The following GRID1 variants were observed in gnomAD, a reference collection of about 807,000 sequenced individuals.
The protein encoded by GRID1 is glutamate receptor ionotropic, delta-1.
A neutral mutation model predicts 98.0 loss-of-function variants in GRID1; 28 were observed. The ratio of observed to expected loss-of-function variants is 0.29; its 90% CI spans 0.21 to 0.39. The LOEUF is 0.39. Ranked by LOEUF, GRID1 falls within the 10% of genes least tolerant of loss-of-function variation. The pLI is 1.00. For missense variants in GRID1, 1,111 were observed against 1,340.5 expected, an observed-to-expected ratio of 0.83 and a Z score of 2.67; for synonymous variants, 553 against 538.5, an observed-to-expected ratio of 1.03 and a Z score of -0.37.
In GRID1 at chr10:85,772,183, C is replaced by G. The variant is rs895743265; in HGVS notation, c.1234-42569G>C. 4.5e-4 allele frequency among the ~76,000 whole-genome samples: 69 copies of G among 152,232 alleles called. 1 individual carries two copies. Among genetic ancestry groups the G allele is most frequent in the African/African-American group, 1.4e-3 (60 of 41,498 alleles). On this transcript the variant is annotated intron_variant, in intron 8 of 15. Coordinates refer to ENST00000327946, the MANE Select transcript of GRID1 (RefSeq NM_017551.3). Reference sequence around the variant, plus strand: ...ATTAAGAAACTCACTCAAAACCACTCAACTACATGGAAACTGAACAACCTG... The same window carrying G: ...ATTAAGAAACTCACTCAAAACCACTGAACTACATGGAAACTGAACAACCTG...
chr10:86,082,688 T>C (rs1843993970), intron 4 of GRID1, among the ~76,000 whole-genome samples: 1 of 152,136 alleles, frequency 6.6e-6, no homozygotes, highest in African/African-American at 2.4e-5. Flanking sequence ...AAAAACTTTT[T>C]AGCCCCCCAG....
intron 8 of GRID1, among the ~76,000 whole-genome samples, chr10:85,748,096 G>C (rs1440751138): frequency 6.6e-6 from 1 of 152,166 alleles, no homozygotes; most frequent in East Asian, 1.9e-4. Context: ...CACCGTGACT[G>C]TGTACATCTC....
chr10:85,640,983 A>T lies in GRID1; in HGVS notation c.2193+6219T>A, dbSNP rs116279077. 4.7e-3 allele frequency among the ~76,000 whole-genome samples: 722 copies of T among 152,370 alleles called. 9 individuals are homozygous for T. Among genetic ancestry groups the T allele is most frequent in the African/African-American group, 0.017 (690 of 41,594 alleles). Reference sequence around the variant, plus strand: ...CTTCCCTCTGAAAAATACTATCTCCAGCCACAGGGTCTGAAACAAGCTACT... The same window carrying T: ...CTTCCCTCTGAAAAATACTATCTCCTGCCACAGGGTCTGAAACAAGCTACT... On this transcript the variant is annotated intron_variant, in intron 13 of 15. Transcript: ENST00000327946.
At chr10:86,183,763 C>A (rs1845690972) in intron 3 of GRID1, among the ~76,000 whole-genome samples, 1 of 152,218 alleles carries the variant, frequency 6.6e-6, no homozygotes, top group Non-Finnish European at 1.5e-5. Context: ...GGACTTGTGC[C>A]TTCATTTCTT....
intron 8 of GRID1, among the ~76,000 whole-genome samples, chr10:85,733,986 A>T (rs1290750569): frequency 6.6e-6 from 1 of 152,202 alleles, no homozygotes; most frequent in Non-Finnish European, 1.5e-5. Flanking sequence ...AATAACTAGC[A>T]TAGATGATTA....
At chr10:85,946,932 G>T (rs982514442) in intron 4 of GRID1, among the ~76,000 whole-genome samples, 1 of 152,188 alleles carries the variant, frequency 6.6e-6, no homozygotes, top group Non-Finnish European at 1.5e-5. Context: ...TCACAATGCG[G>T]AAATGTGGAT....
At chr10:85,626,547 C>T (rs1590165147) in intron 13 of GRID1, among the ~76,000 whole-genome samples, 1 of 152,210 alleles carries the variant, frequency 6.6e-6, no homozygotes, top group East Asian at 1.9e-4. Context: ...CTTCTCTGTA[C>T]ATCAGGGACT....
intron 13 of GRID1, among the ~76,000 whole-genome samples, chr10:85,631,700 T>A (rs1461175008): frequency 6.6e-6 from 1 of 152,184 alleles, no homozygotes; most frequent in African/African-American, 2.4e-5. Flanking sequence ...TGTCAAAATT[T>A]TAAATTGTCC....
rs559191655 is a variant in GRID1 at position 85,989,805 on chromosome 10, T to C, written c.727-73566A>G. ...TCATCTAACTGCTAGGATCTGACAGTTTATATCTCTGCAAAATTTACATGT... is the reference window on the plus strand; with the variant it reads ...TCATCTAACTGCTAGGATCTGACAGCTTATATCTCTGCAAAATTTACATGT... On this transcript the variant is annotated intron_variant, in intron 4 of 15. Coordinates refer to ENST00000327946, the MANE Select transcript of GRID1 (RefSeq NM_017551.3). Among the ~76,000 whole-genome samples the C allele has an allele frequency of 1.4e-4, 22 of 152,270 alleles. No individual in the cohort carries two copies. The East Asian group carries it at 3.7e-3, about 25-fold the overall frequency.
chr10:86,282,583 T>G (rs1469123471), intron 2 of GRID1, among the ~76,000 whole-genome samples: 1 of 152,148 alleles, frequency 6.6e-6, no homozygotes, highest in African/African-American at 2.4e-5. Flanking sequence ...TGCATGTAAG[T>G]AAAGAGCGAC....
chr10:86,187,620 G>C (rs892776859), intron 3 of GRID1, among the ~76,000 whole-genome samples: 5 of 152,208 alleles, frequency 3.3e-5, no homozygotes, highest in African/African-American at 4.8e-5. Context: ...TAATGTTCTT[G>C]GCATCTGTGC....
At position 85,824,283 on chromosome 10, in the gene GRID1, C is replaced by A. The variant is rs1056576295; in HGVS notation, c.1233+30213G>T. Among the ~76,000 whole-genome samples, 5 of 152,292 alleles carry A rather than the reference C, an allele frequency of 3.3e-5. No individual in the cohort carries two copies. In the East Asian group the frequency reaches 5.8e-4, roughly 18 times the overall value. On this transcript the variant is annotated intron_variant, in intron 8 of 15. Coordinates refer to ENST00000327946, the MANE Select transcript of GRID1 (RefSeq NM_017551.3). ...CTGGAGTGCAGTGGTGCGATCTTGG[C>A]TCACTGCAACCTCCACCTCCCGGGT...
chr10:85,950,196 T>C (rs889942907), intron 4 of GRID1, among the ~76,000 whole-genome samples: 1 of 152,142 alleles, frequency 6.6e-6, no homozygotes. Flanking sequence ...TACATTCAAC[T>C]AAAGTATATG....
intron 8 of GRID1, among the ~76,000 whole-genome samples, chr10:85,850,344 C>A (rs72842922): frequency 0.041 from 6,236 of 152,274 alleles, 320 homozygotes; most frequent in East Asian, 0.19. Flanking sequence ...AAAAAAAAGA[C>A]AACCATGTTT....
chr10:86,322,727 T>C (rs560350165), intron 2 of GRID1, among the ~76,000 whole-genome samples: 4 of 149,662 alleles, frequency 2.7e-5, no homozygotes, highest in East Asian at 3.9e-4. Flanking sequence ...TATTTTTTTT[T>C]AAATAAAAAT....
chr10:85,821,539 A>AAAAAAAAAAGCAAAAAAAC (rs770693495), intron 8 of GRID1, among the ~76,000 whole-genome samples: 1 of 97,594 alleles, frequency 1.0e-5, no homozygotes, highest in Non-Finnish European at 2.2e-5. Context: ...AAAAAAAAAA[A>AAAAAAAAAAGCAAAAAAAC]AAAAAAGAAA....
intron 2 of GRID1, among the ~76,000 whole-genome samples, chr10:86,231,510 C>G (rs184320650): frequency 1.0e-3 from 154 of 152,290 alleles, no homozygotes; most frequent in African/African-American, 3.5e-3. Context: ...CAGGCAGGCC[C>G]ATGGCCCTAC....
intron 3 of GRID1, among the ~76,000 whole-genome samples, chr10:86,166,394 C>T (rs552086489): frequency 4.1e-4 from 62 of 152,318 alleles, no homozygotes; most frequent in African/African-American, 1.4e-3. Flanking sequence ...AGGATATGAA[C>T]AGACACTTCT....
chr10:86,073,003 G>C (rs1040114305), intron 4 of GRID1, among the ~76,000 whole-genome samples: 2 of 152,246 alleles, frequency 1.3e-5, no homozygotes, highest in African/African-American at 4.8e-5. Context: ...TCATCCAGAT[G>C]TGTGGCTTTG....
Sources: gnomAD v4.1 joint callset for allele counts (sites outside exome capture counted in the v4.1 genomes callset) on GRCh38, gnomAD v4.1.1 for gene constraint, MANE v1.5 for transcripts, NCBI Gene and HGNC (gene_info 2026-07-23, HGNC 2026-07-21) for gene names.